Variants in CFAP74 observed in about 807,000 individuals in gnomAD.
CFAP74 encodes cilia- and flagella-associated protein 74.
Under a neutral mutation model 188.9 loss-of-function variants are expected in CFAP74, and 124 were observed. The observed-to-expected ratio is 0.66, with a 90% CI of 0.57 to 0.76. The LOEUF is 0.76. Among genes scored for constraint, CFAP74 ranks in the 30% least tolerant of loss-of-function variants. The pLI, the probability that CFAP74 is intolerant of heterozygous loss-of-function variation, is 0.00. For synonymous variants in CFAP74, 956 were observed against 916.7 expected (o/e 1.04, Z -0.77); for missense variants, 2,198 against 2,165.2 (o/e 1.02, Z -0.30).
At chr1:1,962,215 G>A (rs149434923) in intron 14 of CFAP74, among the ~76,000 whole-genome samples, 78 of 152,300 alleles carry the variant, frequency 5.1e-4, no homozygotes, top group African/African-American at 1.8e-3. Flanking sequence ...GCTCACGCCT[G>A]TAATCCTAGC....
At chr1:1,978,595 A>AG (rs1656596417) in intron 6 of CFAP74, among the ~76,000 whole-genome samples, 1 of 152,056 alleles carries the variant, frequency 6.6e-6, no homozygotes, top group South Asian at 2.1e-4. Flanking sequence ...AAGATGGAGG[A>AG]GGAACGCAGG....
In CFAP74 at chr1:1,979,881, C is replaced by T. The variant is rs575771464; in HGVS notation, c.500+5505G>A. Among the ~76,000 whole-genome samples, 11 of 125,218 alleles carry T rather than the reference C, an allele frequency of 8.8e-5. 4 individuals carry two copies. The South Asian group carries it at 1.2e-3, about 14-fold the overall frequency. The allele number at this position is 125,218 out of a possible 152,430, so 82.1% of individuals were successfully genotyped here. On this transcript the variant is annotated intron_variant, in intron 6 of 38. Coordinates refer to ENST00000682832, the MANE Select transcript of CFAP74 (RefSeq NM_001304360.2). ...ACATGACGAAGCTGCGCAGAACACA[C>T]GTGTCGTGCTGAGCTGGGCATGGGA...
chr1:1,929,735 A>T (rs893852100), intron 26 of CFAP74, among the ~76,000 whole-genome samples: 2 of 151,578 alleles, frequency 1.3e-5, no homozygotes, highest in Non-Finnish European at 2.9e-5. Flanking sequence ...GGTGCAAGGG[A>T]CTACACAGCC....
intron 6 of CFAP74, among the ~76,000 whole-genome samples, chr1:1,977,756 G>A (rs1656543527): frequency 6.8e-6 from 1 of 147,372 alleles, no homozygotes; most frequent in Non-Finnish European, 1.5e-5. Context: ...CTGGACCCAA[G>A]AGAGACCTAC....
intron 18 of CFAP74, among the ~76,000 whole-genome samples, chr1:1,947,803 A>G (rs28709246): frequency 0.014 from 2,098 of 152,290 alleles, 57 homozygotes; most frequent in African/African-American, 0.048. Flanking sequence ...TTCAGGAGCC[A>G]GGTGGCGACT....
intron 4 of CFAP74, among the ~76,000 whole-genome samples, chr1:1,987,734 G>T (rs1051689821): frequency 6.6e-6 from 1 of 152,086 alleles, no homozygotes; most frequent in Non-Finnish European, 1.5e-5. Context: ...TAGAGACGGG[G>T]TTTCACCATA....
chr1:1,928,605 G>A (rs1302492188), intron 27 of CFAP74, among the ~76,000 whole-genome samples, 179 bp downstream of exon 27: 2 of 152,210 alleles, frequency 1.3e-5, no homozygotes, highest in East Asian at 3.8e-4. Context: ...GAGAAGGGAG[G>A]GTCTTGGTGA....
chr1:1,927,536 A>C, intron 28 of CFAP74, 71 bp downstream of exon 28: 1 of 1,413,714 alleles, frequency 7.1e-7, no homozygotes, highest in Non-Finnish European at 9.5e-7. Flanking sequence ...AGGGGACTCT[A>C]CAGGGGCCAC....
At chr1:1,956,900 C>T (rs1654682085) in intron 16 of CFAP74, 116 bp from the exon 17 acceptor site, 3 of 1,031,406 alleles carry the variant, frequency 2.9e-6, no homozygotes, top group Non-Finnish European at 4.3e-6. Context: ...GCGCGTTGTG[C>T]ACTGCACAAG....
intron 9 of CFAP74, among the ~76,000 whole-genome samples, chr1:1,971,218 T>TA (rs2102079573): frequency 1.7e-5 from 2 of 120,582 alleles, no homozygotes; most frequent in African/African-American, 6.4e-5. Context: ...CCTGCACACA[T>TA]ACGCGTGCAC....
chr1:1,955,924 A>G lies in CFAP74; in HGVS notation c.2017-74T>C, dbSNP rs535891538. ...TTCCCAGTCAGCTGCCGGAACTCCC[A>G]TGAGGACAGGCCGTGTTGGGGGCTG... On this transcript the variant is annotated intron_variant, in intron 17 of 38. Transcript: ENST00000682832. 4.8e-5 allele frequency: 74 copies of G among 1,530,140 alleles called. 1 individual carries two copies. In the East Asian group the frequency reaches 1.3e-3, roughly 27 times the overall value. The allele number at this position is 1,530,140 out of a possible 1,614,324, so 94.8% of individuals were successfully genotyped here. A position where few individuals can be genotyped will look rare whatever the true frequency, so the allele number is the denominator to read the frequency against.
intron 27 of CFAP74, 87 bp downstream of exon 27, chr1:1,928,697 A>G: frequency 1.0e-6 from 1 of 965,950 alleles, no homozygotes; most frequent in South Asian, 1.5e-5. Context: ...ACGTGGCCGG[A>G]GCCCCCCAGG....
intron 38 of CFAP74, 30 bp from the exon 39 acceptor site, chr1:1,922,418 C>T (rs1019649880): frequency 3.0e-5 from 48 of 1,591,634 alleles, no homozygotes; most frequent in Non-Finnish European, 4.0e-5. Context: ...GAGAAGAGGC[C>T]TTCAGTCAGT....
intron 4 of CFAP74, 28 bp from the exon 5 acceptor site, chr1:1,987,063 A>C: frequency 6.4e-7 from 1 of 1,559,520 alleles, no homozygotes; most frequent in Non-Finnish European, 8.7e-7. Context: ...AGGTCAGATG[A>C]TGGTTCCCTG....
At chr1:1,926,192 G>T (rs1325131998) in intron 32 of CFAP74, 36 bp downstream of exon 32, 2 of 1,474,262 alleles carry the variant, frequency 1.4e-6, no homozygotes, top group Admixed American at 5.0e-5. Flanking sequence ...GGGGAGCCTT[G>T]GGCCGCAGTG....
intron 31 of CFAP74, 43 bp downstream of exon 31, chr1:1,926,414 G>A (rs748291205): frequency 5.4e-5 from 84 of 1,550,058 alleles, no homozygotes; most frequent in Middle Eastern, 1.7e-4. Context: ...CCCGGTCCCC[G>A]CTCCCACCCC....
At chr1:1,982,686 G>A (rs922325765) in intron 6 of CFAP74, among the ~76,000 whole-genome samples, 1 of 152,226 alleles carries the variant, frequency 6.6e-6, no homozygotes, top group Non-Finnish European at 1.5e-5. Flanking sequence ...GGCAGCAGCC[G>A]GGCCCACAGG....
chr1:1,924,011 A>G (rs28423370), intron 34 of CFAP74, 82 bp from the exon 35 acceptor site: 1,209,732 of 1,446,476 alleles, frequency 0.84, 507,175 homozygotes, highest in African/African-American at 0.97. Context: ...ATAGAGCTCT[A>G]CACCCTGCCC....
Position 1,923,399 on chromosome 1 carries a change from G to A in CFAP74, c.4490C>T (p.Ala1497Val), listed in dbSNP as rs550996059. Residue 1497 changes from alanine to valine, a missense_variant, in exon 36 of 39, where the codon GCG (alanine) becomes GTG (valine). Ala to Val is a moderately conservative substitution (Grantham distance 64). Transcript: ENST00000682832. This position sits in a 1 kb window ranked among gnomAD's most constrained non-coding sequence, Gnocchi z 6.3. ...GTGCCTGGGGTCAAATACAGGGATC[G>A]CTGTCAGAGACTCCACGGGCACGTC... Reference protein sequence around the residue: ...PLDVPVESLTAIPVFDPRHRE... With the variant: ...PLDVPVESLTVIPVFDPRHRE... 16 of 1,592,214 alleles carry A rather than the reference G, an allele frequency of 1.0e-5. No individual in the cohort carries two copies. The East Asian group carries it at 1.6e-4, about 16-fold the overall frequency.
Sources: allele counts gnomAD v4.1 joint callset (sites outside exome capture counted in the v4.1 genomes callset), GRCh38; gene constraint gnomAD v4.1.1; non-coding constraint Gnocchi (gnomAD v3.1); transcripts MANE v1.5; gene names NCBI Gene and HGNC (gene_info 2026-07-23, HGNC 2026-07-21).